Variants in ZNF668 observed in about 807,000 individuals in gnomAD.
ZNF668 encodes the protein zinc finger protein 668.
In ZNF668, 10 loss-of-function variants were observed where a neutral mutation model predicts 40.3. The observed-to-expected ratio is 0.25, with a 90% CI of 0.15 to 0.42. The LOEUF (loss-of-function observed/expected upper bound fraction) is 0.42. Among genes scored for constraint, ZNF668 ranks in the 10% least tolerant of loss-of-function variants. ZNF668 has a pLI of 1.00. For synonymous variants in ZNF668, 428 were observed against 384.6 expected, an observed-to-expected ratio of 1.11 and a Z score of -1.32; for missense variants, 749 against 904.6, an observed-to-expected ratio of 0.83 and a Z score of 2.21.
chr16:31,064,809 T>C, intron 1 of ZNF668: 1 of 1,461,642 alleles, frequency 6.8e-7, no homozygotes, highest in Non-Finnish European at 9.0e-7. Context: ...CCATCTTCCT[T>C]CTTCAGCTCA....
rs139393057 is a variant in ZNF668 at position 31,063,411 on chromosome 16, G to A, written c.647+402C>T. ...CTCCCAAAGTGCTGGAATTATAGGC[G>A]TGAGCTATTGTGCCCAGCCTAGAAA... On this transcript the variant is annotated intron_variant, in intron 2 of 2. Coordinates refer to ENST00000300849, the MANE Select transcript of ZNF668 (RefSeq NM_024706.5). 7.2e-5 allele frequency among the ~76,000 whole-genome samples: 11 copies of A among 152,052 alleles called. No individual in the cohort carries two copies. The East Asian group carries it at 1.9e-3, about 27-fold the overall frequency.
rs543837329 is a variant in ZNF668 at position 31,066,115 on chromosome 16, C to T, written c.-22-1634G>A. On this transcript the variant is annotated intron_variant, in intron 1 of 2. Coordinates refer to ENST00000300849, the MANE Select transcript of ZNF668 (RefSeq NM_024706.5). Reference sequence around the variant, plus strand: ...GTCAGCACCCTTCTGCCTGAAATCCCGGCCTCAGGCCTGCACGCTGCCCTC... The same window carrying T: ...GTCAGCACCCTTCTGCCTGAAATCCTGGCCTCAGGCCTGCACGCTGCCCTC... 134 of 985,438 alleles carry T rather than the reference C, an allele frequency of 1.4e-4. No individual in the cohort carries two copies. In the African/African-American group the frequency reaches 1.6e-3, roughly 12 times the overall value. 61.0% of individuals were successfully genotyped at this position (985,438 alleles called of 1,614,324 possible).
chr16:31,067,243 T>TA (rs1355817158), intron 1 of ZNF668, among the ~76,000 whole-genome samples: 1 of 151,960 alleles, frequency 6.6e-6, no homozygotes, highest in Non-Finnish European at 1.5e-5. Flanking sequence ...AAATAAATGA[T>TA]AAAAAAGATA....
At chr16:31,068,237 AAAATATATAT>A (rs1179842910) in intron 1 of ZNF668, among the ~76,000 whole-genome samples, 10 of 80,276 alleles carry the variant, frequency 1.2e-4, no homozygotes, top group Non-Finnish European at 1.4e-4. Flanking sequence ...AAAAAAAAAA[AAAATATATAT>A]ATATATATAT....
In ZNF668 at chr16:31,061,659, G is replaced by T. The variant is rs150434579; in HGVS notation, c.1269C>A (p.Pro423=). The T allele has an allele frequency of 6.2e-7, 1 of 1,613,020 alleles. No homozygotes were observed. The highest frequency in any genetic ancestry group is 8.5e-7 in the Non-Finnish European group (1 of 1,179,896). ...THRSSEAAGV[P]PAQELVVGLA... ...ACCCCACCACCAGCTCCTGTGCAGG[G>T]GGCACACCCGCGGCCTCACTGCTTC... Residue 423 remains proline (P), a synonymous_variant, in exon 3 of 3, where the codon CCC becomes CCA. Transcript: ENST00000300849. The surrounding 1 kb of genome is among the most constrained non-coding windows in gnomAD (Gnocchi z 7.7).
In ZNF668 at chr16:31,061,263, G is replaced by A. The variant is rs753739735; in HGVS notation, c.1665C>T (p.Asp555=). The A allele has an allele frequency of 2.6e-6, 4 of 1,550,652 alleles. No homozygotes were observed. The African/African-American group carries it at 4.1e-5, about 16-fold the overall frequency. The change falls in exon 3 of 3, where the codon GAC becomes GAT. Residue 555 remains aspartate (D), a synonymous_variant. Coordinates refer to ENST00000300849, the MANE Select transcript of ZNF668 (RefSeq NM_024706.5). This position sits in a 1 kb window ranked among gnomAD's most constrained non-coding sequence, Gnocchi z 7.7. ...GGCTGTGTTTGCGCAGCCCAGCCCGGTCAGAGAAGCTCTTGCCGCACTGGG... is the reference window on the plus strand; with the variant it reads ...GGCTGTGTTTGCGCAGCCCAGCCCGATCAGAGAAGCTCTTGCCGCACTGGG... ...PCTQCGKSFS[D]RAGLRKHSRT...
intron 1 of ZNF668, among the ~76,000 whole-genome samples, chr16:31,068,398 A>G (rs1287453423): frequency 1.3e-5 from 2 of 148,438 alleles, no homozygotes; most frequent in Non-Finnish European, 3.0e-5. Context: ...AGTTTTTTGT[A>G]TTTTTAGTAG....
intron 1 of ZNF668, chr16:31,073,423 C>CGCGCGGGCCGAGCCTGGGTGT (rs1424930377): frequency 2.0e-5 from 3 of 152,208 alleles, no homozygotes; most frequent in African/African-American, 7.2e-5. Context: ...GGCCAGCAGC[C>CGCGCGGGCCGAGCCTGGGTGT]GCGCGGGCCG....
rs149380167 is a variant in ZNF668 at position 31,064,031 on chromosome 16, C to A, written c.429G>T (p.Ala143=). ...SHAGELPFRC[A]HCPKAYGALS... ...GCGCGCCATAGGCCTTCGGGCAGTGCGCACAGCGGAAGGGCAGTTCGCCAG... is the reference window on the plus strand; with the variant it reads ...GCGCGCCATAGGCCTTCGGGCAGTGAGCACAGCGGAAGGGCAGTTCGCCAG... Residue 143 remains alanine, a synonymous_variant, in exon 2 of 3, where the codon GCG becomes GCT. Coordinates refer to ENST00000300849, the MANE Select transcript of ZNF668 (RefSeq NM_024706.5). 3.2e-5 allele frequency: 52 copies of A among 1,604,682 alleles called. No homozygotes were observed. The highest frequency in any genetic ancestry group is 1.6e-4 in the Middle Eastern group (1 of 6,066).
chr16:31,066,796 C>T (rs545570268), intron 1 of ZNF668, among the ~76,000 whole-genome samples: 150 of 152,304 alleles, frequency 9.8e-4, no homozygotes, highest in African/African-American at 3.6e-3. Flanking sequence ...ATTCTTCCTA[C>T]AGTTTCCAAG....
In ZNF668 at chr16:31,065,035, C is replaced by T. The variant is rs2056971189; in HGVS notation, c.-22-554G>A. On this transcript the variant is annotated intron_variant, in intron 1 of 2. Coordinates refer to ENST00000300849, the MANE Select transcript of ZNF668 (RefSeq NM_024706.5). ...AGTCCTCAGAGACAGCAACTGTTCA[C>T]ACAGAATTCTGGCCTTGCACAGCTG... is the stretch of plus-strand genomic sequence containing the variant. 12 of 1,104,280 alleles carry T rather than the reference C, an allele frequency of 1.1e-5. No homozygotes were observed. The South Asian group carries it at 2.5e-4, about 23-fold the overall frequency. The allele number at this position is 1,104,280 out of a possible 1,614,324, so 68.4% of individuals were successfully genotyped here.
In ZNF668 at chr16:31,061,721, C is replaced by G. The variant is rs1596750521; in HGVS notation, c.1207G>C (p.Val403Leu). ...HCNACGKSFV[V>L]SSSLRKHERT... ...TCGTGCTTCCTCAGGCTCGACGACA[C>G]CACAAAGGATTTCCCACATGCGTTA... The change falls in exon 3 of 3, where the codon GTG becomes CTG. Residue 403 changes from valine (V) to leucine (L), a missense_variant. Physicochemically the swap from Val to Leu is conservative, Grantham distance 32. This residue lies in a region of ZNF668 where 310 missense variants were observed against 355.1 expected (regional missense o/e 0.87). Coordinates refer to ENST00000300849, the MANE Select transcript of ZNF668 (RefSeq NM_024706.5). This position sits in a 1 kb window ranked among gnomAD's most constrained non-coding sequence, Gnocchi z 7.7. The G allele has an allele frequency of 6.2e-7, 1 of 1,613,706 alleles. No individual in the cohort carries two copies. The highest frequency in any genetic ancestry group is 1.3e-5 in the African/African-American group (1 of 75,062).
rs1429688220 is a variant in ZNF668 at position 31,064,264 on chromosome 16, C to T, written c.196G>A (p.Ala66Thr). 1 of 1,613,760 alleles carries T rather than the reference C, an allele frequency of 6.2e-7. No homozygotes were observed. The highest frequency in any genetic ancestry group is 1.7e-5 in the Admixed American group (1 of 60,036). The change falls in exon 2 of 3, where the codon GCA (alanine) becomes ACA (threonine). Residue 66 changes from alanine (A) to threonine (T), a missense_variant. Physicochemically the swap from Ala to Thr is moderately conservative, Grantham distance 58 (BLOSUM62 0). Coordinates refer to ENST00000300849, the MANE Select transcript of ZNF668 (RefSeq NM_024706.5). ...ACCTTCTCCCCACTGGCTTCCTCTG[C>T]CTTAGCTTCTGTCTCTGGCTTTGGC... ...VKPKPETEAK[A>T]EEASGEKVSG...
rs2057045185 is a variant in ZNF668 at position 31,074,181 on chromosome 16, T to C, written c.-545A>G. On this transcript the variant is annotated 5_prime_UTR_variant, in exon 1 of 3. Transcript: ENST00000300849. The stretch of plus-strand genomic sequence containing the variant: ...AGGGCTGTAGAATCTTTTTCTCCCT[T>C]TCTGCGCCTATTCAATATGCACCGG... The C allele has an allele frequency of 6.6e-6, 1 of 152,238 alleles. No individual in the cohort carries two copies. Among genetic ancestry groups the C allele is most frequent in the South Asian group, 2.1e-4 (1 of 4,828 alleles). 9.4% of individuals were successfully genotyped at this position (152,238 alleles called of 1,614,324 possible).
chr16:31,064,994 C>T (rs923416774), intron 1 of ZNF668: 67 of 1,202,780 alleles, frequency 5.6e-5, no homozygotes, highest in East Asian at 9.1e-5. Flanking sequence ...TGTTTTCTTT[C>T]CTCCTCTGGA....
At chr16:31,066,483 G>C (rs2056982398) in intron 1 of ZNF668, 1 of 574,026 alleles carries the variant, frequency 1.7e-6, no homozygotes, top group Non-Finnish European at 2.2e-6. Context: ...TGTGAACCCA[G>C]GGGTTCGAGG....
In ZNF668 at chr16:31,064,019, C is replaced by G; in HGVS notation, c.441G>C (p.Lys147Asn). The G allele has an allele frequency of 6.2e-7, 1 of 1,606,706 alleles. No individual in the cohort carries two copies. Among genetic ancestry groups the G allele is most frequent in the East Asian group, 2.2e-5 (1 of 44,628 alleles). The stretch of plus-strand genomic sequence containing the variant: ...TGAGCTTGGAGAGCGCGCCATAGGC[C>G]TTCGGGCAGTGCGCACAGCGGAAGG... ...ELPFRCAHCPKAYGALSKLKI... is the reference protein window; with the variant it reads ...ELPFRCAHCPNAYGALSKLKI... Residue 147 changes from lysine (K) to asparagine (N), a missense_variant, in exon 2 of 3, where the codon AAG becomes AAC. Transcript: ENST00000300849.
chr16:31,064,851 T>C, intron 1 of ZNF668: 6 of 1,435,082 alleles, frequency 4.2e-6, no homozygotes, highest in Non-Finnish European at 4.5e-6. Flanking sequence ...ATAAAGAGTG[T>C]ACCCAGACGT....
At position 31,064,173 on chromosome 16, in the gene ZNF668, GC is replaced by G; in HGVS notation, c.286del (p.Ala96HisfsTer210). 3 of 1,610,926 alleles carry G rather than the reference GC, an allele frequency of 1.9e-6. No homozygotes were observed. The highest frequency in any genetic ancestry group is 2.5e-6 in the Non-Finnish European group (3 of 1,179,786). ...CPLCPKAYKT[A>X]PELRSHGRSH... Reference sequence around the variant, plus strand: ...GCGCCCGTGGCTGCGCAGCTCGGGTGCCGTCTTGTAGGCCTTGGGGCATAGC... The same window carrying G: ...GCGCCCGTGGCTGCGCAGCTCGGGTGCGTCTTGTAGGCCTTGGGGCATAGC... On this transcript the variant is annotated frameshift_variant, in exon 2 of 3. Coordinates refer to ENST00000300849, the MANE Select transcript of ZNF668 (RefSeq NM_024706.5). LOFTEE classifies it high-confidence loss of function.
Sources: allele counts gnomAD v4.1 joint callset (sites outside exome capture counted in the v4.1 genomes callset), GRCh38; gene constraint gnomAD v4.1.1; regional missense constraint gnomAD v4.1.1; non-coding constraint Gnocchi (gnomAD v3.1); transcripts MANE v1.5; gene names NCBI Gene and HGNC (gene_info 2026-07-23, HGNC 2026-07-21).